SHISA9: variants seen among roughly 807,000 people sequenced by gnomAD.
The protein encoded by SHISA9 is protein shisa-9.
Under a neutral mutation model 38.0 loss-of-function variants are expected in SHISA9, and 13 were observed. The ratio of observed to expected loss-of-function variants is 0.34; its 90% CI spans 0.22 to 0.54. SHISA9 has a LOEUF of 0.54. SHISA9 is among the 20% of genes least tolerant of loss of function. The pLI is 0.91. For synonymous variants in SHISA9, 275 were observed against 242.0 expected, an observed-to-expected ratio of 1.14 and a Z score of -1.27; for missense variants, 538 against 575.8, an observed-to-expected ratio of 0.93 and a Z score of 0.67.
At chr16:13,444,192 C>T in the SHISA9 span, among the ~76,000 whole-genome samples, 1 of 152,134 alleles carries the variant, frequency 6.6e-6, no homozygotes, top group Admixed American at 6.5e-5. Flanking sequence ...GCAATATAGA[C>T]AGACCCTGTC....
intron 2 of SHISA9, among the ~76,000 whole-genome samples, chr16:13,111,920 T>C (rs1350920367): frequency 2.0e-5 from 3 of 152,300 alleles, no homozygotes; most frequent in Admixed American, 2.0e-4. Flanking sequence ...CATCTTGTAT[T>C]TGCAGATGAG....
At chr16:13,175,546 C>T (rs1341184881) in intron 2 of SHISA9, among the ~76,000 whole-genome samples, 2 of 152,170 alleles carry the variant, frequency 1.3e-5, no homozygotes, top group Non-Finnish European at 2.9e-5. Context: ...GGTACAGATT[C>T]AGTCTCGTGC....
the SHISA9 span, among the ~76,000 whole-genome samples, chr16:13,286,128 C>T: frequency 6.6e-6 from 1 of 152,010 alleles, no homozygotes; most frequent in Admixed American, 6.6e-5. Flanking sequence ...AGCTGGAAGC[C>T]CCCTCCCCTC....
chr16:13,054,864 C>T (rs530671350), intron 2 of SHISA9, among the ~76,000 whole-genome samples: 35 of 152,302 alleles, frequency 2.3e-4, no homozygotes, highest in Non-Finnish European at 3.1e-4. Context: ...TCTCCTGCCA[C>T]GGGGCCTTTG....
intron 2 of SHISA9, among the ~76,000 whole-genome samples, chr16:13,139,243 ATCTT>A (rs1056164673): frequency 9.2e-6 from 1 of 109,084 alleles, no homozygotes; most frequent in Non-Finnish European, 1.8e-5. Context: ...TCTTCTTGCC[ATCTT>A]TCTTTTCTTT....
the SHISA9 span, among the ~76,000 whole-genome samples, chr16:13,539,671 T>C: frequency 6.6e-6 from 1 of 152,006 alleles, no homozygotes; most frequent in East Asian, 1.9e-4. Flanking sequence ...ATCACAGGGG[T>C]TTGATGAACA....
At chr16:13,151,452 A>C (rs1009989594) in intron 2 of SHISA9, among the ~76,000 whole-genome samples, 12 of 152,126 alleles carry the variant, frequency 7.9e-5, no homozygotes, top group Admixed American at 7.9e-4. Flanking sequence ...GTGGCTGAAC[A>C]ACAACCAGCT....
chr16:13,441,445 C>G, the SHISA9 span, among the ~76,000 whole-genome samples: 1 of 152,154 alleles, frequency 6.6e-6, no homozygotes, highest in African/African-American at 2.4e-5. Context: ...GTGAAGGAAT[C>G]CAAGAGTGGC....
chr16:13,177,652 G>GTT (rs1305918492), intron 2 of SHISA9, among the ~76,000 whole-genome samples: 4 of 151,166 alleles, frequency 2.6e-5, no homozygotes, highest in Admixed American at 6.6e-5. Context: ...TAGGTTCACG[G>GTT]TGTTTTTGTT....
intron 2 of SHISA9, among the ~76,000 whole-genome samples, chr16:13,134,765 G>A (rs1468464222): frequency 6.6e-6 from 1 of 152,074 alleles, no homozygotes; most frequent in Non-Finnish European, 1.5e-5. Context: ...CAAACATCTT[G>A]GTGGCTTGAA....
chr16:13,019,004 T>A (rs72784406), intron 2 of SHISA9, among the ~76,000 whole-genome samples: 16,474 of 152,134 alleles, frequency 0.11, 970 homozygotes, highest in African/African-American at 0.13. Flanking sequence ...GTATTTTCTT[T>A]TTTTTCTTTT....
Position 13,235,135 on chromosome 16 carries a change from G to A in SHISA9, c.1001G>A (p.Arg334Gln), listed in dbSNP as rs1387550620. ...CCCGTAAGAGTGGAGGACGAGCCCC[G>A]GGCCTTCAGCCCTGAGCACGGTCCT... ...LHPVRVEDEP[R>Q]AFSPEHGPAK... The change falls in exon 5 of 5, where the codon CGG (arginine) becomes CAG (glutamine). Residue 334 changes from arginine to glutamine, a missense_variant. This residue lies in a region of SHISA9 where 326 missense variants were observed against 305.9 expected (regional missense o/e 1.07). Coordinates refer to ENST00000558583, the MANE Select transcript of SHISA9 (RefSeq NM_001145204.3). The A allele has an allele frequency of 3.2e-6, 5 of 1,551,536 alleles. No homozygotes were observed. The highest frequency in any genetic ancestry group is 1.4e-5 in the African/African-American group (1 of 73,016).
intron 2 of SHISA9, among the ~76,000 whole-genome samples, chr16:13,062,899 C>T (rs2073392175): frequency 6.6e-6 from 1 of 152,244 alleles, no homozygotes; most frequent in African/African-American, 2.4e-5. Flanking sequence ...GTACCCTGAT[C>T]CTGGCTCCCG....
intron 2 of SHISA9, among the ~76,000 whole-genome samples, chr16:13,117,774 C>A (rs1174405951): frequency 6.6e-6 from 1 of 152,160 alleles, no homozygotes; most frequent in African/African-American, 2.4e-5. Flanking sequence ...TTTTAAGCCA[C>A]TCAGTTTGTG....
chr16:13,204,698 T>C (rs1293317463), intron 3 of SHISA9: 1 of 152,218 alleles, frequency 6.6e-6, no homozygotes, highest in East Asian at 1.9e-4. Context: ...GTGCAAGACA[T>C]TGAATTAAAC....
At chr16:13,080,372 C>CA (rs1024276724) in intron 2 of SHISA9, among the ~76,000 whole-genome samples, 2 of 151,992 alleles carry the variant, frequency 1.3e-5, no homozygotes, top group Non-Finnish European at 2.9e-5. Context: ...GACTCCGTCT[C>CA]AAAAAAATAA....
chr16:13,520,614 A>AT, the SHISA9 span, among the ~76,000 whole-genome samples: 1 of 150,526 alleles, frequency 6.6e-6, no homozygotes, highest in Non-Finnish European at 1.5e-5. Context: ...AAAAAAAAAA[A>AT]AAAAAAAAAA....
Position 13,202,230 on chromosome 16 carries a change from T to C in SHISA9, c.692-1164T>C, listed in dbSNP as rs1178592717. Among the ~76,000 whole-genome samples, 2 of 129,790 alleles carry C rather than the reference T, an allele frequency of 1.5e-5. 1 individual carries two copies. Among genetic ancestry groups the C allele is most frequent in the Non-Finnish European group, 3.3e-5 (2 of 60,268 alleles). The allele number at this position is 129,790 out of a possible 152,430, so 85.1% of individuals were successfully genotyped here. ...TTCTCTAGCTGTGCATGGCCAGAGC[T>C]CAGAGGGCAATTCCTTCCGTTGCTG... On this transcript the variant is annotated intron_variant, in intron 2 of 4. Transcript: ENST00000558583.
the SHISA9 span, among the ~76,000 whole-genome samples, chr16:13,550,449 C>T: frequency 5.3e-5 from 8 of 152,334 alleles, no homozygotes; most frequent in South Asian, 8.3e-4. Context: ...AAAATGTCCT[C>T]GTCATCATTT....
Sources: gnomAD v4.1 joint callset for allele counts (sites outside exome capture counted in the v4.1 genomes callset) on GRCh38, gnomAD v4.1.1 for gene constraint, gnomAD v4.1.1 regional missense constraint, MANE v1.5 for transcripts, NCBI Gene and HGNC (gene_info 2026-07-23, HGNC 2026-07-21) for gene names.